Variants in GABRB3 observed in about 807,000 individuals in gnomAD.
GABRB3 encodes the protein gamma-aminobutyric acid type A receptor subunit beta3.
A neutral mutation model predicts 52.1 loss-of-function variants in GABRB3; 14 were observed. That is an observed-to-expected ratio of 0.27 (90% CI 0.18 to 0.42). GABRB3 has a LOEUF of 0.42. Ranked by LOEUF, GABRB3 falls within the 10% of genes least tolerant of loss-of-function variation. The probability of loss-of-function intolerance (pLI) is 1.00; values close to 1 mark genes in which losing one functional copy is unlikely to be tolerated. For missense variants in GABRB3, 307 were observed against 609.1 expected, an observed-to-expected ratio of 0.50 and a Z score of 5.22; for synonymous variants, 260 against 232.3, an observed-to-expected ratio of 1.12 and a Z score of -1.08.
rs1039437170 is a variant in GABRB3 at position 26,547,543 on chromosome 15, A to G, written c.*250T>C. 5 of 583,858 alleles carry G rather than the reference A, an allele frequency of 8.6e-6. No homozygotes were observed. Among genetic ancestry groups the G allele is most frequent in the Non-Finnish European group, 1.5e-5 (5 of 330,068 alleles). The allele number at this position is 583,858 out of a possible 1,614,324, so 36.2% of individuals were successfully genotyped here. A position where few individuals can be genotyped will look rare whatever the true frequency, so the allele number is the denominator to read the frequency against. On this transcript the variant is annotated 3_prime_UTR_variant, in exon 9 of 9. Coordinates refer to ENST00000311550, the MANE Select transcript of GABRB3 (RefSeq NM_000814.6). ...TTGTCCATAGCTGCAAAATGTATAT[A>G]TGTATGTGTATTTGTCTTCCATACA... is the stretch of plus-strand genomic sequence containing the variant.
chr15:26,560,764 A>C (rs2140679246), intron 8 of GABRB3, among the ~76,000 whole-genome samples, 168 bp downstream of exon 8: 1 of 152,308 alleles, frequency 6.6e-6, no homozygotes. Flanking sequence ...GCAACCCCTG[A>C]ATAAAAAACA....
chr15:26,631,554 C>G (rs1457994322), intron 3 of GABRB3, among the ~76,000 whole-genome samples: 2 of 152,186 alleles, frequency 1.3e-5, no homozygotes, highest in African/African-American at 2.4e-5. Context: ...GTTTATGATA[C>G]AAAACCTTGC....
chr15:26,750,893 TAC>T (rs1890488130), intron 3 of GABRB3, among the ~76,000 whole-genome samples: 1 of 152,212 alleles, frequency 6.6e-6, no homozygotes, highest in South Asian at 2.1e-4. Flanking sequence ...TATCATGAAT[TAC>T]AGACATTTTG....
chr15:26,543,977 T>C lies in GABRB3; in HGVS notation c.*3816A>G, dbSNP rs1363041143. 6.6e-6 allele frequency: 1 copy of C among 152,590 alleles called. No homozygotes were observed. Among genetic ancestry groups the C allele is most frequent in the East Asian group, 1.9e-4 (1 of 5,192 alleles). 9.5% of individuals were successfully genotyped at this position (152,590 alleles called of 1,614,324 possible). ...AAGAGGTAATCAATCCAAGGCACAC[T>C]AGCTAGTGTCCTGGAAAAATTTAAT... On this transcript the variant is annotated 3_prime_UTR_variant, in exon 9 of 9. Coordinates refer to ENST00000311550, the MANE Select transcript of GABRB3 (RefSeq NM_000814.6).
chr15:26,585,593 T>G (rs1355391400), intron 4 of GABRB3, among the ~76,000 whole-genome samples: 1 of 152,220 alleles, frequency 6.6e-6, no homozygotes, highest in Non-Finnish European at 1.5e-5. Context: ...AATGCCAACA[T>G]ATTTAGCACA....
At chr15:26,662,040 C>T (rs751432123) in intron 3 of GABRB3, among the ~76,000 whole-genome samples, 1 of 152,182 alleles carries the variant, frequency 6.6e-6, no homozygotes, top group Non-Finnish European at 1.5e-5. Context: ...CTCCACTGTA[C>T]TTCCTAACTT....
At chr15:26,567,902 T>C (rs1890238653) in intron 6 of GABRB3, among the ~76,000 whole-genome samples, 169 bp from the exon 7 acceptor site, 1 of 152,096 alleles carries the variant, frequency 6.6e-6, no homozygotes, top group Non-Finnish European at 1.5e-5. Flanking sequence ...ATAGAAGAAT[T>C]AGGAGGGGGG....
intron 3 of GABRB3, among the ~76,000 whole-genome samples, chr15:26,647,000 C>T (rs995262506): frequency 3.9e-5 from 6 of 152,240 alleles, no homozygotes; most frequent in South Asian, 2.1e-4. Flanking sequence ...CCTGCCACCA[C>T]GCCTGGATAA....
chr15:26,742,924 C>CCT (rs1890247059), intron 3 of GABRB3, among the ~76,000 whole-genome samples: 1 of 48,836 alleles, frequency 2.0e-5, no homozygotes, highest in African/African-American at 5.7e-5. Context: ...ATTAGAGATT[C>CCT]TTTTTTTTTT....
chr15:26,684,149 T>A (rs878959), intron 3 of GABRB3, among the ~76,000 whole-genome samples: 5 of 152,010 alleles, frequency 3.3e-5, no homozygotes, highest in African/African-American at 4.8e-5. Flanking sequence ...ACCTAGGAAG[T>A]GGGGGTGAGG....
chr15:26,590,137 C>A (rs1036234633), intron 4 of GABRB3: 1 of 152,012 alleles, frequency 6.6e-6, no homozygotes, highest in Non-Finnish European at 1.5e-5. Context: ...CTGCAGAATT[C>A]AATCCTGCAG....
chr15:26,661,852 T>C (rs1229059843), intron 3 of GABRB3, among the ~76,000 whole-genome samples: 1 of 152,016 alleles, frequency 6.6e-6, no homozygotes, highest in South Asian at 2.1e-4. Flanking sequence ...AAGTACTGCC[T>C]AGGAAGGAAT....
rs1892469828 is a variant in GABRB3 at position 26,621,219 on chromosome 15, G to C, written c.461+95C>G. On this transcript the variant is annotated intron_variant, in intron 4 of 8. Transcript: ENST00000311550. This position sits in a 1 kb window ranked among gnomAD's most constrained non-coding sequence, Gnocchi z 4.1. The stretch of plus-strand genomic sequence containing the variant: ...CATAGATGCTTCCTAATTTATCTGA[G>C]GTCATTGCCTCACTTACAATAATCA... 1.0e-6 allele frequency: 1 copy of C among 983,592 alleles called. No homozygotes were observed. The highest frequency in any genetic ancestry group is 1.6e-6 in the Non-Finnish European group (1 of 607,706). The allele number at this position is 983,592 out of a possible 1,614,324, so 60.9% of individuals were successfully genotyped here.
chr15:26,734,874 C>T (rs1366929896), intron 3 of GABRB3, among the ~76,000 whole-genome samples: 1 of 152,086 alleles, frequency 6.6e-6, no homozygotes, highest in Non-Finnish European at 1.5e-5. Flanking sequence ...TGTGATTGTG[C>T]CACTGCACTC....
intron 3 of GABRB3, among the ~76,000 whole-genome samples, chr15:26,739,814 G>T (rs779496513): frequency 6.6e-6 from 1 of 152,068 alleles, no homozygotes; most frequent in Non-Finnish European, 1.5e-5. Flanking sequence ...ACTATCCATC[G>T]TTTATCTTTC....
chr15:26,766,122 T>C (rs1038174360), intron 3 of GABRB3, among the ~76,000 whole-genome samples: 61 of 152,220 alleles, frequency 4.0e-4, no homozygotes, highest in African/African-American at 1.5e-3. Context: ...AAACTGTTAG[T>C]TACCAACTCC....
intron 3 of GABRB3, among the ~76,000 whole-genome samples, chr15:26,661,965 CA>C (rs1416912194): frequency 6.6e-6 from 1 of 152,148 alleles, no homozygotes; most frequent in African/African-American, 2.4e-5. Context: ...ATATAACAGA[CA>C]CTGAGTATTC....
chr15:26,551,338 G>A (rs1023398828), intron 8 of GABRB3, among the ~76,000 whole-genome samples: 9 of 152,154 alleles, frequency 5.9e-5, no homozygotes, highest in African/African-American at 1.7e-4. Context: ...CAGGGAGAGC[G>A]CCCTGCAATG....
intron 3 of GABRB3, among the ~76,000 whole-genome samples, chr15:26,643,946 A>T (rs1330376298): frequency 6.6e-6 from 1 of 152,170 alleles, no homozygotes; most frequent in East Asian, 1.9e-4. Context: ...GTGGAATTCA[A>T]TGAGAGAGGC....
Sources: gnomAD v4.1 joint callset for allele counts (sites outside exome capture counted in the v4.1 genomes callset) on GRCh38, gnomAD v4.1.1 for gene constraint, Gnocchi (gnomAD v3.1) non-coding constraint, MANE v1.5 for transcripts, NCBI Gene and HGNC (gene_info 2026-07-23, HGNC 2026-07-21) for gene names.